Variants in EIF4G3 observed in about 807,000 individuals in gnomAD.
EIF4G3 encodes eukaryotic translation initiation factor 4 gamma 3.
EIF4G3 carries 34 observed loss-of-function variants against 186.4 expected under a neutral mutation model. The observed-to-expected ratio is 0.18, with a 90% CI of 0.14 to 0.24. The LOEUF (loss-of-function observed/expected upper bound fraction) is 0.24, where lower values mean the gene tolerates loss of function less well. EIF4G3 is among the 10% of genes least tolerant of loss of function. EIF4G3 has a pLI of 1.00. For missense variants in EIF4G3, 1,536 were observed against 1,948.5 expected (o/e 0.79, Z 3.99); for synonymous variants, 673 against 679.5 (o/e 0.99, Z 0.15).
intron 14 of EIF4G3, among the ~76,000 whole-genome samples, chr1:20,925,201 G>A (rs941414175): frequency 6.6e-6 from 1 of 152,126 alleles, no homozygotes; most frequent in Non-Finnish European, 1.5e-5. Context: ...TAAAATTAGA[G>A]TAAAACTCAT....
In EIF4G3 at chr1:21,176,809, T is replaced by G; in HGVS notation, c.-543A>C. The G allele has an allele frequency of 1.4e-6, 1 of 701,484 alleles. No individual in the cohort carries two copies. Among genetic ancestry groups the G allele is most frequent in the Non-Finnish European group, 2.6e-6 (1 of 384,154 alleles). 43.5% of individuals were successfully genotyped at this position (701,484 alleles called of 1,614,324 possible). On this transcript the variant is annotated 5_prime_UTR_variant, in exon 1 of 37. Coordinates refer to ENST00000602326, the MANE Select transcript of EIF4G3 (RefSeq NM_001391906.1). ...GCGGCGCCCTTCTCGGTAGCGGGGC[T>G]CAGGCGATGCCGGTGGATTTTCTTC...
At chr1:21,111,924 T>A (rs2096733749) in intron 2 of EIF4G3, among the ~76,000 whole-genome samples, 1 of 152,180 alleles carries the variant, frequency 6.6e-6, no homozygotes, top group Non-Finnish European at 1.5e-5. Context: ...AAACTGCTTT[T>A]CTTACATCTA....
chr1:21,122,262 C>G (rs1209716652), intron 2 of EIF4G3, among the ~76,000 whole-genome samples: 1 of 152,090 alleles, frequency 6.6e-6, no homozygotes, highest in Non-Finnish European at 1.5e-5. Flanking sequence ...TCATACCATG[C>G]TTACCCTCAG....
At chr1:21,117,377 C>A (rs1326203863) in intron 2 of EIF4G3, among the ~76,000 whole-genome samples, 1 of 152,032 alleles carries the variant, frequency 6.6e-6, no homozygotes, top group East Asian at 1.9e-4. Flanking sequence ...TTTGACTGTA[C>A]TTTTTAAATG....
At chr1:21,042,214 G>C (rs575759568) in intron 4 of EIF4G3, among the ~76,000 whole-genome samples, 2 of 152,270 alleles carry the variant, frequency 1.3e-5, no homozygotes, top group Admixed American at 1.3e-4. Flanking sequence ...CTGAGCGCAA[G>C]TGAACTGCCC....
chr1:21,017,424 C>A (rs964509871), intron 4 of EIF4G3, among the ~76,000 whole-genome samples: 8 of 151,882 alleles, frequency 5.3e-5, no homozygotes, highest in African/African-American at 1.9e-4. Context: ...GTCAAGAGAT[C>A]GAGACCATCC....
chr1:21,168,233 G>A (rs777171227), intron 2 of EIF4G3, among the ~76,000 whole-genome samples: 23 of 151,646 alleles, frequency 1.5e-4, no homozygotes, highest in South Asian at 1.2e-3. Context: ...GTGAAACCCC[G>A]TCTCTACTAA....
intron 4 of EIF4G3, among the ~76,000 whole-genome samples, chr1:21,035,310 C>T (rs1179469084): frequency 6.6e-6 from 1 of 152,238 alleles, no homozygotes; most frequent in East Asian, 1.9e-4. Context: ...AGGCTGTGTA[C>T]TCTGCAGCCG....
chr1:21,074,787 T>C (rs2095536712), intron 3 of EIF4G3, among the ~76,000 whole-genome samples: 1 of 152,134 alleles, frequency 6.6e-6, no homozygotes, highest in African/African-American at 2.4e-5. Context: ...AAAAGAAAAC[T>C]AATCCAGGTA....
At chr1:20,966,810 T>C (rs1216228120) in intron 12 of EIF4G3, among the ~76,000 whole-genome samples, 1 of 152,188 alleles carries the variant, frequency 6.6e-6, no homozygotes. Flanking sequence ...ATGTCAGTTG[T>C]CATCATTATG....
chr1:21,032,151 T>C (rs951224511), intron 4 of EIF4G3, among the ~76,000 whole-genome samples: 2 of 152,200 alleles, frequency 1.3e-5, no homozygotes, highest in Admixed American at 1.3e-4. Context: ...CATTTCCAAC[T>C]TTTCTACTAT....
In EIF4G3 at chr1:20,857,515, T is replaced by C. The variant is rs764131606; in HGVS notation, c.3245-18A>G. 9.4e-6 allele frequency: 15 copies of C among 1,589,328 alleles called. No homozygotes were observed. The highest frequency in any genetic ancestry group is 1.3e-5 in the Non-Finnish European group (15 of 1,157,574). ...CTGGACACCTGCAGGGAGAACAGAG[T>C]GGGAGTCTCTCATCTGTCTCAAGTC... On this transcript the variant is annotated intron_variant, in intron 24 of 36. Transcript: ENST00000602326.
chr1:21,069,636 G>A (rs1287929917), intron 3 of EIF4G3, among the ~76,000 whole-genome samples: 1 of 152,136 alleles, frequency 6.6e-6, no homozygotes, highest in Non-Finnish European at 1.5e-5. Flanking sequence ...CAGTTATTTT[G>A]TACTTAGGAA....
intron 3 of EIF4G3, among the ~76,000 whole-genome samples, chr1:21,066,853 T>TA (rs1454864071): frequency 6.6e-6 from 1 of 152,230 alleles, no homozygotes; most frequent in Non-Finnish European, 1.5e-5. Context: ...TCATTTTAGT[T>TA]AAACGTGGTC....
chr1:20,934,872 T>A (rs1446937006), intron 14 of EIF4G3, among the ~76,000 whole-genome samples: 4 of 152,128 alleles, frequency 2.6e-5, no homozygotes, highest in African/African-American at 9.7e-5. Flanking sequence ...GGCCTATGAC[T>A]CTGATCATAT....
chr1:20,912,121 T>A (rs1158279120), intron 14 of EIF4G3, among the ~76,000 whole-genome samples: 1 of 151,690 alleles, frequency 6.6e-6, no homozygotes, highest in African/African-American at 2.4e-5. Context: ...ACAGAATAAT[T>A]AAAAAATTAG....
Position 20,851,268 on chromosome 1 carries a change from T to A in EIF4G3, c.3762A>T (p.Thr1254=). ...AGCCAAGTCTCTCACCTGACTCCCT[T>A]GTTTTATTTCGCTCAGCCTCAGTGC... ...RNSTEAERNK[T]RESAKPEISA... The change falls in exon 28 of 37, where the codon ACA becomes ACT. Residue 1254 remains threonine, a synonymous_variant. Transcript: ENST00000602326. 6.2e-7 allele frequency: 1 copy of A among 1,614,172 alleles called. No individual in the cohort carries two copies. The highest frequency in any genetic ancestry group is 8.5e-7 in the Non-Finnish European group (1 of 1,180,030).
intron 2 of EIF4G3, among the ~76,000 whole-genome samples, chr1:21,149,268 A>G (rs947481176): frequency 1.3e-5 from 2 of 152,224 alleles, no homozygotes; most frequent in African/African-American, 4.8e-5. Flanking sequence ...GTATACATAT[A>G]TAAACAAAAA....
At chr1:20,973,849 CT>C (rs972343535) in intron 10 of EIF4G3, among the ~76,000 whole-genome samples, 21 of 152,276 alleles carry the variant, frequency 1.4e-4, no homozygotes, top group Middle Eastern at 6.8e-3. Flanking sequence ...CTGTTTTTAA[CT>C]TTCAAAACTT....
Sources: gnomAD v4.1 joint callset for allele counts (sites outside exome capture counted in the v4.1 genomes callset) on GRCh38, gnomAD v4.1.1 for gene constraint, MANE v1.5 for transcripts, NCBI Gene and HGNC (gene_info 2026-07-23, HGNC 2026-07-21) for gene names.